The following CSN2 variants were observed in gnomAD, a reference collection of about 807,000 sequenced individuals.
CSN2 encodes the protein casein beta, also known as beta-casein.
Under a neutral mutation model 27.3 loss-of-function variants are expected in CSN2, and 27 were observed. The observed-to-expected ratio is 0.99, with a 90% CI of 0.73 to 1.36. The LOEUF (loss-of-function observed/expected upper bound fraction) is 1.36. Among genes scored for constraint, CSN2 ranks in the 40% most tolerant of loss-of-function variants. The pLI, the probability that CSN2 is intolerant of heterozygous loss-of-function variation, is 0.00. For synonymous variants in CSN2, 131 were observed against 94.8 expected, an observed-to-expected ratio of 1.38 and a Z score of -2.22; for missense variants, 333 against 264.5, an observed-to-expected ratio of 1.26 and a Z score of -1.80.
At chr4:69,962,316 C>A (rs1169090091) in intron 1 of CSN2, among the ~76,000 whole-genome samples, 1 of 152,100 alleles carries the variant, frequency 6.6e-6, no homozygotes, top group South Asian at 2.1e-4. Flanking sequence ...AGGCATCATG[C>A]TACCTGACTT....
chr4:69,962,494 C>T (rs1003232975), intron 1 of CSN2, among the ~76,000 whole-genome samples: 1 of 152,152 alleles, frequency 6.6e-6, no homozygotes, highest in South Asian at 2.1e-4. Context: ...AAAGGATTCC[C>T]TATTTAATAA....
intron 1 of CSN2, among the ~76,000 whole-genome samples, 182 bp downstream of exon 1, chr4:69,965,499 C>T (rs1307975108): frequency 2.8e-5 from 4 of 142,742 alleles, no homozygotes; most frequent in Non-Finnish European, 6.0e-5. Flanking sequence ...TATGTCATTA[C>T]CAAATTCTTC....
chr4:69,957,402 C>T lies in CSN2; in HGVS notation c.547G>A (p.Val183Met), dbSNP rs368097018. 46 of 1,613,388 alleles carry T rather than the reference C, an allele frequency of 2.9e-5. No individual in the cohort carries two copies. The highest frequency in any genetic ancestry group is 3.1e-5 in the Non-Finnish European group (37 of 1,179,864). Residue 183 changes from valine to methionine, a missense_variant, in exon 6 of 8, where the codon GTG becomes ATG. Physicochemically the swap from Val to Met is conservative, Grantham distance 21. Coordinates refer to ENST00000353151, the MANE Select transcript of CSN2 (RefSeq NM_001891.4). ...QPKVLPIPQQ[V>M]VPYPQRAVPV... is the part of the protein sequence containing the mutation. ...ACAGCTCTCTGAGGGTAGGGCACCA[C>T]TTGCTGGGGGATAGGCAGGACTTTG...
intron 6 of CSN2, among the ~76,000 whole-genome samples, chr4:69,957,072 G>A (rs1425624686): frequency 1.3e-5 from 2 of 152,032 alleles, no homozygotes; most frequent in African/African-American, 4.8e-5. Flanking sequence ...GTTAATGGGT[G>A]CAGCACACCA....
chr4:69,964,086 T>C (rs758058635), intron 1 of CSN2, among the ~76,000 whole-genome samples: 1 of 152,214 alleles, frequency 6.6e-6, no homozygotes, highest in Non-Finnish European at 1.5e-5. Context: ...TATTGGACTA[T>C]TGAGTTTGTT....
At chr4:69,963,331 C>T (rs1199189483) in intron 1 of CSN2, among the ~76,000 whole-genome samples, 1 of 152,034 alleles carries the variant, frequency 6.6e-6, no homozygotes, top group Non-Finnish European at 1.5e-5. Context: ...GACTTGGAAC[C>T]AACCCAAATG....
rs755950545 is a variant in CSN2 at position 69,957,582 on chromosome 4, T to A, written c.367A>T (p.Ile123Leu). The change falls in exon 6 of 8, where the codon ATA becomes TTA. Residue 123 changes from isoleucine (I) to leucine (L), a missense_variant. Ile to Leu is a conservative substitution (Grantham distance 5, BLOSUM62 2). Coordinates refer to ENST00000353151, the MANE Select transcript of CSN2 (RefSeq NM_001891.4). ...GGGATTTGAGGGTCAAAAAAGGGTA[T>A]CGTTGGAGATTTAAGGACAGGCATC... ...RVMPVLKSPT[I>L]PFFDPQIPKL... 1 of 1,613,890 alleles carries A rather than the reference T, an allele frequency of 6.2e-7. No homozygotes were observed.
chr4:69,956,663 A>G (rs1015392170), intron 6 of CSN2, among the ~76,000 whole-genome samples: 27 of 152,208 alleles, frequency 1.8e-4, no homozygotes, highest in African/African-American at 6.5e-4. Context: ...AGATGTGCAC[A>G]AGGAAAATGA....
chr4:69,957,616 C>T lies in CSN2; in HGVS notation c.333G>A (p.Lys111=). The change falls in exon 6 of 8, where the codon AAG becomes AAA. Residue 111 remains lysine, a synonymous_variant. Transcript: ENST00000353151. The part of the protein sequence containing the change: ...VPKAKDTVYT[K]GRVMPVLKSP... ...ATTTAAGGACAGGCATCACTCTGCC[C>T]TTAGTGTAGACAGTGTCTTTAGCTT... is the stretch of plus-strand genomic sequence containing the variant. 1 of 1,613,930 alleles carries T rather than the reference C, an allele frequency of 6.2e-7. No homozygotes were observed. The highest frequency in any genetic ancestry group is 8.5e-7 in the Non-Finnish European group (1 of 1,179,986).
At chr4:69,956,427 T>A (rs1267958495) in intron 6 of CSN2, 72 bp from the exon 7 acceptor site, 2 of 1,200,652 alleles carry the variant, frequency 1.7e-6, no homozygotes, top group Non-Finnish European at 2.2e-6. Context: ...ATGTTGTAAG[T>A]AGTGAAATAA....
rs371790632 is a variant in CSN2, at chr4:69,960,945, C to T, written c.51G>A (p.Glu17=). Residue 17 remains glutamate, a splice_region_variant and synonymous_variant, in exon 2 of 8, where the codon GAG becomes GAA. Transcript: ENST00000353151. ...TAGGAATTTTTTCTTGTGCACATAC[C>T]TCCCTTGCAAGAGCAAGAGCCACCA... The part of the protein sequence containing the change: ...ACLVALALAR[E]TIESLSSSEE... The T allele has an allele frequency of 6.8e-6, 11 of 1,612,238 alleles. No individual in the cohort carries two copies. The highest frequency in any genetic ancestry group is 1.7e-5 in the Admixed American group (1 of 59,810).
chr4:69,959,997 A>G, intron 3 of CSN2, 56 bp downstream of exon 3: 9 of 1,520,698 alleles, frequency 5.9e-6, no homozygotes, highest in South Asian at 5.7e-5. Flanking sequence ...ATGTAACACC[A>G]TAGAAAAATA....
Position 69,958,248 on chromosome 4 carries a change from T to C in CSN2, c.145-444A>G, listed in dbSNP as rs185633960. Among the ~76,000 whole-genome samples, 14 of 152,254 alleles carry C rather than the reference T, an allele frequency of 9.2e-5. No individual in the cohort carries two copies. The East Asian group carries it at 2.7e-3, about 29-fold the overall frequency. On this transcript the variant is annotated intron_variant, in intron 5 of 7. Coordinates refer to ENST00000353151, the MANE Select transcript of CSN2 (RefSeq NM_001891.4). ...AGGTTTATTTTTGTTTTGTTTTGGT[T>C]TGATGAAAAAGAAAATCAGTCTTAA...
chr4:69,956,166 G>A, intron 7 of CSN2, 148 bp downstream of exon 7: 1 of 400,810 alleles, frequency 2.5e-6, no homozygotes, highest in Non-Finnish European at 4.2e-6. Context: ...GTCAGTAAAT[G>A]ATAGTCAACC....
intron 1 of CSN2, 50 bp from the exon 2 acceptor site, chr4:69,961,057 A>T: frequency 7.5e-7 from 1 of 1,337,388 alleles, no homozygotes; most frequent in East Asian, 2.3e-5. Flanking sequence ...AATTGGATAT[A>T]CTTTCTTATG....
chr4:69,960,116 C>A, intron 2 of CSN2, 37 bp from the exon 3 acceptor site: 1 of 1,591,256 alleles, frequency 6.3e-7, no homozygotes, highest in Non-Finnish European at 8.6e-7. Context: ...GCTAAATCTT[C>A]TAGATCATTA....
chr4:69,959,999 A>G, intron 3 of CSN2, 54 bp downstream of exon 3: 1 of 1,532,422 alleles, frequency 6.5e-7, no homozygotes, highest in Non-Finnish European at 9.0e-7. Context: ...GTAACACCAT[A>G]GAAAAATAGC....
intron 5 of CSN2, among the ~76,000 whole-genome samples, chr4:69,958,623 A>C (rs1254561447): frequency 1.3e-5 from 2 of 152,092 alleles, no homozygotes; most frequent in Non-Finnish European, 2.9e-5. Flanking sequence ...ATAGTTCCCA[A>C]CCTGGAAATG....
At chr4:69,964,071 G>T (rs975384086) in intron 1 of CSN2, among the ~76,000 whole-genome samples, 5 of 152,042 alleles carry the variant, frequency 3.3e-5, no homozygotes, top group Non-Finnish European at 5.9e-5. Flanking sequence ...ACTATCCAGA[G>T]ACTTTATTGG....
Sources: gnomAD v4.1 joint callset for allele counts (sites outside exome capture counted in the v4.1 genomes callset) on GRCh38, gnomAD v4.1.1 for gene constraint, MANE v1.5 for transcripts, NCBI Gene and HGNC (gene_info 2026-07-23, HGNC 2026-07-21) for gene names.